The following TACR1 variants were observed in gnomAD, a reference collection of about 807,000 sequenced individuals.
The protein encoded by TACR1 is substance-P receptor.
Under a neutral mutation model 35.8 loss-of-function variants are expected in TACR1, and 25 were observed. The ratio of observed to expected loss-of-function variants is 0.70; its 90% CI spans 0.51 to 0.98. The LOEUF is 0.98. Ranked by LOEUF, TACR1 falls within the 50% of genes least tolerant of loss-of-function variation. The pLI, the probability that TACR1 is intolerant of heterozygous loss-of-function variation, is 0.00. For synonymous variants in TACR1, 195 were observed against 206.7 expected, an observed-to-expected ratio of 0.94 and a Z score of 0.48; for missense variants, 478 against 522.9, an observed-to-expected ratio of 0.91 and a Z score of 0.84.
chr2:75,103,273 G>A (rs1009721374), intron 2 of TACR1, among the ~76,000 whole-genome samples: 2 of 152,120 alleles, frequency 1.3e-5, no homozygotes, highest in Non-Finnish European at 2.9e-5. Flanking sequence ...TATACAAGAT[G>A]AGCCTGGAGC....
chr2:75,141,820 C>G (rs1674413986), intron 1 of TACR1, among the ~76,000 whole-genome samples: 1 of 152,082 alleles, frequency 6.6e-6, no homozygotes, highest in Non-Finnish European at 1.5e-5. Flanking sequence ...GTTTTTCATA[C>G]CTGGGACTGG....
At chr2:75,086,624 T>G (rs1365283644) in intron 2 of TACR1, among the ~76,000 whole-genome samples, 1 of 152,080 alleles carries the variant, frequency 6.6e-6, no homozygotes, top group Non-Finnish European at 1.5e-5. Flanking sequence ...CAATGGTCCA[T>G]ATGTGAGGAA....
intron 1 of TACR1, among the ~76,000 whole-genome samples, chr2:75,178,404 C>T (rs983835452): frequency 6.6e-6 from 1 of 152,026 alleles, no homozygotes; most frequent in African/African-American, 2.4e-5. Context: ...AGGCTGGTCT[C>T]AAACTCCTGA....
At chr2:75,077,639 T>C (rs769052703) in intron 2 of TACR1, among the ~76,000 whole-genome samples, 1 of 152,208 alleles carries the variant, frequency 6.6e-6, no homozygotes, top group Non-Finnish European at 1.5e-5. Context: ...TGTGTCCATT[T>C]ATTGAATTTT....
intron 1 of TACR1, among the ~76,000 whole-genome samples, chr2:75,133,268 TATTTA>T (rs1207465629): frequency 6.6e-6 from 1 of 152,252 alleles, no homozygotes; most frequent in Non-Finnish European, 1.5e-5. Context: ...CGGCATTTTT[TATTTA>T]ATTTCAAGAG....
chr2:75,148,525 A>G (rs1044546284), intron 1 of TACR1, among the ~76,000 whole-genome samples: 2 of 152,168 alleles, frequency 1.3e-5, no homozygotes, highest in Non-Finnish European at 2.9e-5. Flanking sequence ...TCCTCTTTTG[A>G]GAAGTGTTTG....
intron 2 of TACR1, among the ~76,000 whole-genome samples, chr2:75,056,755 T>A (rs1440296248): frequency 6.6e-6 from 1 of 152,190 alleles, no homozygotes; most frequent in Non-Finnish European, 1.5e-5. Flanking sequence ...CCCTCCCTTT[T>A]TAAAGAAGCA....
intron 2 of TACR1, among the ~76,000 whole-genome samples, chr2:75,093,389 T>TG (rs1673346157): frequency 1.3e-5 from 2 of 152,230 alleles, no homozygotes; most frequent in Non-Finnish European, 2.9e-5. Flanking sequence ...AGCCTTGCTC[T>TG]CTTAGCTAGA....
chr2:75,129,025 A>G (rs1231906337), intron 1 of TACR1, among the ~76,000 whole-genome samples: 1 of 152,216 alleles, frequency 6.6e-6, no homozygotes, highest in Non-Finnish European at 1.5e-5. Flanking sequence ...ACTCAGGTTT[A>G]TAGAAATTTG....
intron 1 of TACR1, among the ~76,000 whole-genome samples, chr2:75,154,057 G>C (rs563198297): frequency 1.1e-3 from 167 of 152,254 alleles, no homozygotes; most frequent in Non-Finnish European, 2.0e-3. Context: ...ATTAATTGAA[G>C]GGCGGGGGTG....
At chr2:75,086,254 C>A (rs565929309) in intron 2 of TACR1, among the ~76,000 whole-genome samples, 1 of 152,304 alleles carries the variant, frequency 6.6e-6, no homozygotes, top group South Asian at 2.1e-4. Context: ...CTAGGCTATG[C>A]ATGTCAAGTC....
At chr2:75,109,327 G>A (rs1279939885) in intron 2 of TACR1, among the ~76,000 whole-genome samples, 1 of 152,134 alleles carries the variant, frequency 6.6e-6, no homozygotes, top group Non-Finnish European at 1.5e-5. Context: ...CCTGTACAGT[G>A]TTGAGGCAGC....
At chr2:75,170,614 G>C (rs967078155) in intron 1 of TACR1, among the ~76,000 whole-genome samples, 1 of 152,182 alleles carries the variant, frequency 6.6e-6, no homozygotes, top group Admixed American at 6.5e-5. Context: ...CTAGAGACTT[G>C]TTGAATGGCT....
At chr2:75,050,262 A>G (rs1366705391) in intron 4 of TACR1, among the ~76,000 whole-genome samples, 1 of 152,204 alleles carries the variant, frequency 6.6e-6, no homozygotes. Flanking sequence ...ACCTAAAAAA[A>G]GTGTAGGTGG....
intron 1 of TACR1, among the ~76,000 whole-genome samples, chr2:75,198,014 AAACAAC>A (rs557300076): frequency 1.3e-5 from 2 of 152,144 alleles, no homozygotes; most frequent in African/African-American, 4.8e-5. Flanking sequence ...CCAACCAACC[AAACAAC>A]AACAACAACT....
At chr2:75,095,508 G>T (rs1276463262) in intron 2 of TACR1, among the ~76,000 whole-genome samples, 1 of 152,170 alleles carries the variant, frequency 6.6e-6, no homozygotes, top group East Asian at 1.9e-4. Flanking sequence ...CGTTTCGAGA[G>T]GGAAGAAAGC....
intron 1 of TACR1, among the ~76,000 whole-genome samples, chr2:75,134,762 A>G (rs1674246737): frequency 6.6e-6 from 1 of 152,316 alleles, no homozygotes; most frequent in Non-Finnish European, 1.5e-5. Flanking sequence ...TTGAATCCCC[A>G]TGGCACCTGA....
At chr2:75,144,102 A>G (rs1032377156) in intron 1 of TACR1, among the ~76,000 whole-genome samples, 2 of 152,290 alleles carry the variant, frequency 1.3e-5, no homozygotes, top group Admixed American at 6.5e-5. Context: ...ACTTGGCACA[A>G]ATGTTCCTAA....
chr2:75,065,863 A>G (rs1005969174), intron 2 of TACR1, among the ~76,000 whole-genome samples: 7 of 152,110 alleles, frequency 4.6e-5, no homozygotes, highest in African/African-American at 1.7e-4. Context: ...AAAGCACTTA[A>G]AATAATCAAA....
Sources: gnomAD v4.1 joint callset for allele counts (sites outside exome capture counted in the v4.1 genomes callset) on GRCh38, gnomAD v4.1.1 for gene constraint, MANE v1.5 for transcripts, NCBI Gene and HGNC (gene_info 2026-07-23, HGNC 2026-07-21) for gene names.